Variants in CWH43 observed in about 807,000 individuals in gnomAD.
CWH43 encodes the protein cell wall biogenesis 43 C-terminal homolog.
CWH43 carries 91 observed loss-of-function variants against 85.7 expected under a neutral mutation model. That is an observed-to-expected ratio of 1.06 (90% CI 0.90 to 1.26). CWH43 has a LOEUF of 1.26. Ranked by LOEUF, CWH43 falls within the 50% of genes most tolerant of loss-of-function variation. The pLI is 0.00. For synonymous variants in CWH43, 323 were observed against 293.6 expected (o/e 1.10, Z -1.02); for missense variants, 869 against 839.2 (o/e 1.04, Z -0.44).
chr4:49,028,636 C>A lies in CWH43; in HGVS notation c.1274C>A (p.Thr425Asn), dbSNP rs2109802230. ...ATTAAAACAATTCCTCAGGCACCAA[C>A]CAAAGAGGTCTCTGCTGCCATCTGG... ...YERKLGKVAP[T>N]KEVSAAIWPF... is the part of the protein sequence containing the mutation. Residue 425 changes from threonine to asparagine, a missense_variant, in exon 10 of 16, where the codon ACC (threonine) becomes AAC (asparagine). Coordinates refer to ENST00000226432, the MANE Select transcript of CWH43 (RefSeq NM_025087.3). The A allele has an allele frequency of 1.2e-6, 2 of 1,612,684 alleles. No homozygotes were observed. The highest frequency in any genetic ancestry group is 1.7e-6 in the Non-Finnish European group (2 of 1,179,038).
rs74492866 is a variant in CWH43, at chr4:49,033,377, A to G, written c.1658+662A>G. ...TAAGTGCCCATATGGACTTGTGAATACATGCCTAAATATACACGAAACTGA... is the reference window on the plus strand; with the variant it reads ...TAAGTGCCCATATGGACTTGTGAATGCATGCCTAAATATACACGAAACTGA... On this transcript the variant is annotated intron_variant, in intron 12 of 15. Coordinates refer to ENST00000226432, the MANE Select transcript of CWH43 (RefSeq NM_025087.3). Among the ~76,000 whole-genome samples, 1,352 of 152,248 alleles carry G rather than the reference A, an allele frequency of 8.9e-3. 18 individuals carry two copies. Among genetic ancestry groups the G allele is most frequent in the Non-Finnish European group, 0.012 (805 of 68,024 alleles).
At chr4:49,013,378 T>A (rs1783431689) in intron 8 of CWH43, among the ~76,000 whole-genome samples, 2 of 152,214 alleles carry the variant, frequency 1.3e-5, no homozygotes, top group African/African-American at 4.8e-5. Context: ...AGTGTCCTGT[T>A]TTTCCAGGTA....
intron 12 of CWH43, among the ~76,000 whole-genome samples, chr4:49,035,544 C>A (rs924184467): frequency 6.6e-6 from 1 of 152,148 alleles, no homozygotes; most frequent in Non-Finnish European, 1.5e-5. Flanking sequence ...GGTTCCGTGG[C>A]GGTTAACCTT....
At chr4:49,050,016 A>T (rs1054689160) in intron 14 of CWH43, among the ~76,000 whole-genome samples, 1 of 152,226 alleles carries the variant, frequency 6.6e-6, no homozygotes, top group South Asian at 2.1e-4. Context: ...CAGTGCCTGC[A>T]TGTAGTAGGC....
chr4:49,001,474 G>A (rs1354548482), intron 6 of CWH43, among the ~76,000 whole-genome samples: 3 of 152,030 alleles, frequency 2.0e-5, no homozygotes, highest in Non-Finnish European at 2.9e-5. Flanking sequence ...ATCATATACT[G>A]TCATTGGTGT....
rs1232976618 is a variant in CWH43 at position 48,992,626 on chromosome 4, G to T, written c.511+536G>T. On this transcript the variant is annotated intron_variant, in intron 4 of 15. Coordinates refer to ENST00000226432, the MANE Select transcript of CWH43 (RefSeq NM_025087.3). The surrounding 1 kb of genome is among the most constrained non-coding windows in gnomAD (Gnocchi z 4.3). ...AATCACCTGTCTCTCCCAGGGGCCA[G>T]CTTTCTCCGAGACAGAAACATGCCC... Among the ~76,000 whole-genome samples, 1 of 152,186 alleles carries T rather than the reference G, an allele frequency of 6.6e-6. No individual in the cohort carries two copies. The highest frequency in any genetic ancestry group is 1.5e-5 in the Non-Finnish European group (1 of 68,048).
chr4:49,014,638 T>C (rs1372784946), intron 8 of CWH43, among the ~76,000 whole-genome samples: 1 of 152,160 alleles, frequency 6.6e-6, no homozygotes, highest in Non-Finnish European at 1.5e-5. Context: ...CCACAATTCT[T>C]TAATTCACTT....
chr4:49,029,776 T>C (rs1382898640), intron 10 of CWH43, among the ~76,000 whole-genome samples: 1 of 152,236 alleles, frequency 6.6e-6, no homozygotes, highest in Non-Finnish European at 1.5e-5. Context: ...TCTGGCCTAC[T>C]TACACATCCG....
In CWH43 at chr4:48,986,366, A is replaced by C. The variant is rs1449033891; in HGVS notation, c.-64A>C. ...CGCGGCGGCGGGAACCTGGGGGCGC[A>C]GGGCTAGGGCAGCGGGCCCGACCCG... On this transcript the variant is annotated 5_prime_UTR_variant, in exon 1 of 16. Transcript: ENST00000226432. 4.8e-6 allele frequency: 7 copies of C among 1,471,748 alleles called. No homozygotes were observed. The highest frequency in any genetic ancestry group is 6.4e-6 in the Non-Finnish European group (7 of 1,089,162). 91.2% of individuals were successfully genotyped at this position (1,471,748 alleles called of 1,614,324 possible). A position where few individuals can be genotyped will look rare whatever the true frequency, so the allele number is the denominator to read the frequency against.
rs1326887945 is a variant in CWH43 at position 48,994,798 on chromosome 4, G to A, written c.691G>A (p.Gly231Arg). 12 of 1,613,788 alleles carry A rather than the reference G, an allele frequency of 7.4e-6. No homozygotes were observed. Among genetic ancestry groups the A allele is most frequent in the South Asian group, 5.5e-5 (5 of 91,030 alleles). ...GGCAGTGAGTGGGCATCCACATCCA[G>A]GGCCAGATCCTAACCCATTTGGGTG... ...RWAVSGHPHPGPDPNPFGGAV... is the reference protein window; with the variant it reads ...RWAVSGHPHPRPDPNPFGGAV... The change falls in exon 5 of 16, where the codon GGG becomes AGG. Residue 231 changes from glycine to arginine, a missense_variant. Coordinates refer to ENST00000226432, the MANE Select transcript of CWH43 (RefSeq NM_025087.3).
intron 15 of CWH43, among the ~76,000 whole-genome samples, chr4:49,054,864 A>C (rs566746476): frequency 1.4e-4 from 22 of 152,014 alleles, no homozygotes; most frequent in African/African-American, 4.8e-4. Flanking sequence ...CTGCAAATTT[A>C]CTGAATTTAT....
At chr4:49,034,407 C>T (rs540827479) in intron 12 of CWH43, among the ~76,000 whole-genome samples, 10 of 152,036 alleles carry the variant, frequency 6.6e-5, no homozygotes, top group Admixed American at 3.3e-4. Context: ...CAATATATCC[C>T]AAAATGTAAA....
chr4:49,037,183 T>C (rs1784287249), intron 12 of CWH43, among the ~76,000 whole-genome samples: 1 of 152,192 alleles, frequency 6.6e-6, no homozygotes. Context: ...TGTACCCACC[T>C]AAGTATCTCA....
chr4:49,035,367 A>C (rs1019580365), intron 12 of CWH43, among the ~76,000 whole-genome samples: 2 of 152,234 alleles, frequency 1.3e-5, no homozygotes, highest in Admixed American at 6.5e-5. Context: ...CATTTTTTAG[A>C]AGTCACTCAG....
intron 14 of CWH43, among the ~76,000 whole-genome samples, 171 bp downstream of exon 14, chr4:49,045,018 A>T (rs1389550860): frequency 6.6e-6 from 1 of 152,208 alleles, no homozygotes. Flanking sequence ...ATCTTTTTCA[A>T]GGCATAGTCT....
At chr4:49,034,810 C>T (rs1451247149) in intron 12 of CWH43, among the ~76,000 whole-genome samples, 1 of 152,148 alleles carries the variant, frequency 6.6e-6, no homozygotes, top group African/African-American at 2.4e-5. Flanking sequence ...AATAGTCCTA[C>T]CTATTTCATG....
chr4:48,989,972 C>A (rs567369187), intron 2 of CWH43, among the ~76,000 whole-genome samples: 32 of 152,280 alleles, frequency 2.1e-4, no homozygotes, highest in South Asian at 1.7e-3. Context: ...TTGCAAGATT[C>A]ATTTCCTTAT....
chr4:49,058,641 A>G (rs1264255076), intron 15 of CWH43, among the ~76,000 whole-genome samples: 3 of 152,192 alleles, frequency 2.0e-5, no homozygotes, highest in Non-Finnish European at 4.4e-5. Context: ...CATTTCTCAT[A>G]AAGTGCATCT....
intron 14 of CWH43, among the ~76,000 whole-genome samples, chr4:49,047,976 G>T (rs1478345220): frequency 6.6e-6 from 1 of 152,154 alleles, no homozygotes; most frequent in Non-Finnish European, 1.5e-5. Context: ...CTATAATTTG[G>T]TGTTTCCAAA....
Sources: allele counts gnomAD v4.1 joint callset (sites outside exome capture counted in the v4.1 genomes callset), GRCh38; gene constraint gnomAD v4.1.1; non-coding constraint Gnocchi (gnomAD v3.1); transcripts MANE v1.5; gene names NCBI Gene and HGNC (gene_info 2026-07-23, HGNC 2026-07-21).